LMNA: variants seen among roughly 807,000 people sequenced by gnomAD.
LMNA encodes the protein lamin A/C.
In LMNA, 20 loss-of-function variants were observed where a neutral mutation model predicts 70.4. The ratio of observed to expected loss-of-function variants is 0.28; its 90% CI spans 0.20 to 0.41. The LOEUF (loss-of-function observed/expected upper bound fraction) is 0.41, where lower values mean the gene tolerates loss of function less well. Ranked by LOEUF, LMNA falls within the 10% of genes least tolerant of loss-of-function variation. The pLI, the probability that LMNA is intolerant of heterozygous loss-of-function variation, is 1.00. For missense variants in LMNA, 652 were observed against 917.2 expected (o/e 0.71, Z 3.73); for synonymous variants, 339 against 372.8 (o/e 0.91, Z 1.04).
intron 1 of LMNA, among the ~76,000 whole-genome samples, chr1:156,117,718 G>A (rs115175591): frequency 6.6e-6 from 1 of 152,056 alleles, no homozygotes; most frequent in East Asian, 1.9e-4. Flanking sequence ...ATTTTGTAGA[G>A]ATGGGGTTTT....
At chr1:156,089,280 GTTTA>G (rs140712392) in intron 2 of LMNA, among the ~76,000 whole-genome samples, 4 of 151,068 alleles carry the variant, frequency 2.6e-5, no homozygotes, top group East Asian at 1.9e-4. Context: ...CCCAACCCTT[GTTTA>G]TTTATTTATT....
At position 156,138,871 on chromosome 1, in the gene LMNA, G is replaced by A; in HGVS notation, c.1968+114G>A. On this transcript the variant is annotated intron_variant, in intron 11 of 11. Transcript: ENST00000368300. The surrounding 1 kb of genome is among the most constrained non-coding windows in gnomAD (Gnocchi z 5.5). ...CCTGCCTTCTCTTCCGCAGCCCGGG[G>A]GAGTGGGAGCCTCCTCCCCACAGCC... is the stretch of plus-strand genomic sequence containing the variant. 1 of 1,440,796 alleles carries A rather than the reference G, an allele frequency of 6.9e-7. No homozygotes were observed. The highest frequency in any genetic ancestry group is 1.4e-5 in the African/African-American group (1 of 71,084). The allele number at this position is 1,440,796 out of a possible 1,614,324, so 89.3% of individuals were successfully genotyped here. A position where few individuals can be genotyped will look rare whatever the true frequency, so the allele number is the denominator to read the frequency against.
At position 156,135,063 on chromosome 1, in the gene LMNA, G is replaced by A; in HGVS notation, c.810+88G>A. 1 of 1,609,888 alleles carries A rather than the reference G, an allele frequency of 6.2e-7. No individual in the cohort carries two copies. Among genetic ancestry groups the A allele is most frequent in the Non-Finnish European group, 8.5e-7 (1 of 1,176,818 alleles). On this transcript the variant is annotated intron_variant, in intron 4 of 11. Transcript: ENST00000368300. This position sits in a 1 kb window ranked among gnomAD's most constrained non-coding sequence, Gnocchi z 4.8. ...CTGGGCTATGCCTTCTGGGGATCAGGCAGATGGTGGCAGGGAGCTCAGGGT... is the reference window on the plus strand; with the variant it reads ...CTGGGCTATGCCTTCTGGGGATCAGACAGATGGTGGCAGGGAGCTCAGGGT...
upstream of LMNA, chr1:156,109,454 C>G (rs1649458249): frequency 6.6e-6 from 1 of 152,594 alleles, no homozygotes; most frequent in Admixed American, 6.5e-5. Context: ...AGCCTTACCT[C>G]TAGTGGCTCC....
At chr1:156,104,851 C>G (rs1052731992) in intron 3 of LMNA, among the ~76,000 whole-genome samples, 7 of 152,194 alleles carry the variant, frequency 4.6e-5, no homozygotes, top group Admixed American at 2.6e-4. Flanking sequence ...TTGCTGGACC[C>G]CATACTGCAC....
chr1:156,120,763 A>G (rs1572339512), intron 1 of LMNA, among the ~76,000 whole-genome samples: 1 of 152,306 alleles, frequency 6.6e-6, no homozygotes, highest in South Asian at 2.1e-4. Context: ...GCCTGTTAGC[A>G]TATGATCGAT....
At chr1:156,095,763 C>T (rs1323276840) in intron 3 of LMNA, among the ~76,000 whole-genome samples, 2 of 152,226 alleles carry the variant, frequency 1.3e-5, no homozygotes, top group African/African-American at 2.4e-5. Context: ...TACCTCCCCA[C>T]ACTTCTAATT....
intron 1 of LMNA, among the ~76,000 whole-genome samples, chr1:156,121,416 G>A (rs895339843): frequency 3.9e-5 from 6 of 152,076 alleles, no homozygotes; most frequent in Admixed American, 3.9e-4. Context: ...AAAAGCCCAA[G>A]AGAAACAAAA....
At chr1:156,129,554 AC>A (rs754869547) in intron 1 of LMNA, among the ~76,000 whole-genome samples, 1 of 152,038 alleles carries the variant, frequency 6.6e-6, no homozygotes, top group African/African-American at 2.4e-5. Context: ...ATGCTTAAGC[AC>A]TGATGAGTTA....
In LMNA at chr1:156,134,071, C is replaced by T. The variant is rs1279167069; in HGVS notation, c.514-332C>T. ...TAGCTGTGTCACCCAGGCTGGAGTG[C>T]AGTAGTGCGATCTCGGCTCACTGCA... On this transcript the variant is annotated intron_variant, in intron 2 of 11. Transcript: ENST00000368300. This position sits in a 1 kb window ranked among gnomAD's most constrained non-coding sequence, Gnocchi z 5.3. Among the ~76,000 whole-genome samples, 1 of 152,154 alleles carries T rather than the reference C, an allele frequency of 6.6e-6. No individual in the cohort carries two copies.
rs189980976 is a variant in LMNA at position 156,133,851 on chromosome 1, A to G, written c.514-552A>G. On this transcript the variant is annotated intron_variant, in intron 2 of 11. Transcript: ENST00000368300. The stretch of plus-strand genomic sequence containing the variant: ...ACAGTAGCTCTCTGTAGGCCCCGCT[A>G]GCCTGTCCCTTGGGTCTTAGCCTCT... 1.1e-3 allele frequency among the ~76,000 whole-genome samples: 173 copies of G among 152,210 alleles called. 1 individual carries two copies. Among genetic ancestry groups the G allele is most frequent in the African/African-American group, 3.6e-3 (148 of 41,536 alleles).
intron 1 of LMNA, among the ~76,000 whole-genome samples, chr1:156,120,771 G>A (rs917950012): frequency 8.5e-5 from 13 of 152,108 alleles, no homozygotes; most frequent in Admixed American, 1.3e-4. Flanking sequence ...GCATATGATC[G>A]ATAGCCTTTG....
At chr1:156,109,291 ACTC>A (rs1649453536), upstream of LMNA, among the ~76,000 whole-genome samples, 1 of 151,884 alleles carries the variant, frequency 6.6e-6, no homozygotes, top group African/African-American at 2.4e-5. Flanking sequence ...AGTGCTCCTG[ACTC>A]TTTCTTCACT....
At chr1:156,088,075 T>A (rs1648548224) in intron 2 of LMNA, among the ~76,000 whole-genome samples, 1 of 151,954 alleles carries the variant, frequency 6.6e-6, no homozygotes, top group Admixed American at 6.6e-5. Context: ...TTTCAACATG[T>A]TGGCCAGGAT....
intron 1 of LMNA, among the ~76,000 whole-genome samples, chr1:156,127,844 G>C (rs573735): frequency 0.1 from 15,697 of 151,808 alleles, 1,459 homozygotes; most frequent in African/African-American, 0.25. Context: ...GCACCACCTT[G>C]CCCGACTAAT....
At chr1:156,124,973 C>T (rs1650454289) in intron 1 of LMNA, among the ~76,000 whole-genome samples, 1 of 152,168 alleles carries the variant, frequency 6.6e-6, no homozygotes, top group Non-Finnish European at 1.5e-5. Flanking sequence ...TGTTTTGCAC[C>T]AATCTGCTGT....
intron 1 of LMNA, among the ~76,000 whole-genome samples, chr1:156,119,853 A>G (rs955766977): frequency 2.6e-5 from 4 of 151,918 alleles, no homozygotes; most frequent in Non-Finnish European, 4.4e-5. Context: ...TCCCCATTGC[A>G]TCCTGGAGTC....
intron 3 of LMNA, among the ~76,000 whole-genome samples, chr1:156,102,364 T>C (rs1649172080): frequency 6.6e-6 from 1 of 152,098 alleles, no homozygotes; most frequent in African/African-American, 2.4e-5. Flanking sequence ...CAAGGTACAG[T>C]TGACATACCG....
chr1:156,082,883 C>T (rs1205305624), intron 1 of LMNA: 1 of 152,194 alleles, frequency 6.6e-6, no homozygotes, highest in East Asian at 1.9e-4. Flanking sequence ...GCGGCTTTCT[C>T]TCTCGCTCCC....
Sources: allele counts gnomAD v4.1 joint callset (sites outside exome capture counted in the v4.1 genomes callset), GRCh38; gene constraint gnomAD v4.1.1; non-coding constraint Gnocchi (gnomAD v3.1); transcripts MANE v1.5; gene names NCBI Gene and HGNC (gene_info 2026-07-23, HGNC 2026-07-21).